The following ANKRD30A variants were observed in gnomAD, a reference collection of about 807,000 sequenced individuals.
ANKRD30A encodes the protein ankyrin repeat domain 30A, also known as ankyrin repeat domain-containing protein 30A.
Under a neutral mutation model 166.3 loss-of-function variants are expected in ANKRD30A, and 170 were observed. The observed-to-expected ratio is 1.02, with a 90% CI of 0.90 to 1.16. The LOEUF is 1.16. Ranked by LOEUF, ANKRD30A falls within the 50% of genes most tolerant of loss-of-function variation. The pLI, the probability that ANKRD30A is intolerant of heterozygous loss-of-function variation, is 0.00. For synonymous variants in ANKRD30A, 564 were observed against 508.9 expected, an observed-to-expected ratio of 1.11 and a Z score of -1.46; for missense variants, 1,630 against 1,518.0, an observed-to-expected ratio of 1.07 and a Z score of -1.23.
rs138940151 is a variant in ANKRD30A at position 37,133,795 on chromosome 10, A to G, written c.618-121A>G. The G allele has an allele frequency of 3.4e-3, 4,043 of 1,193,682 alleles. 23 individuals are homozygous for G. The highest frequency in any genetic ancestry group is 9.1e-3 in the Middle Eastern group (32 of 3,504). 73.9% of individuals were successfully genotyped at this position (1,193,682 alleles called of 1,614,324 possible). ...CCTTGGTGGTGATTTACAAGGATAAACACTTGAGCACTCAAGATACTTATG... is the reference window on the plus strand; with the variant it reads ...CCTTGGTGGTGATTTACAAGGATAAGCACTTGAGCACTCAAGATACTTATG... On this transcript the variant is annotated intron_variant, in intron 4 of 35. Coordinates refer to ENST00000361713, the MANE Select transcript of ANKRD30A (RefSeq NM_052997.3).
intron 17 of ANKRD30A, 51 bp downstream of exon 17, chr10:37,162,899 T>G (rs1209304650): frequency 6.3e-7 from 1 of 1,587,326 alleles, no homozygotes; most frequent in East Asian, 2.2e-5. Context: ...ATATTGGACA[T>G]TTTGATGGTC....
the ANKRD30A span, among the ~76,000 whole-genome samples, chr10:37,245,553 T>C: frequency 2.6e-5 from 4 of 152,086 alleles, no homozygotes; most frequent in Admixed American, 2.0e-4. Flanking sequence ...GTTTTCATAA[T>C]ATATATCTTT....
intron 5 of ANKRD30A, chr10:37,135,327 A>C: frequency 6.6e-6 from 1 of 152,198 alleles, no homozygotes; most frequent in Non-Finnish European, 1.5e-5. Flanking sequence ...CAAATCTGTG[A>C]AGTGTTGCAT....
chr10:37,179,013 AATATATATATATATATATATATATATAT>A (rs139390228), intron 24 of ANKRD30A, among the ~76,000 whole-genome samples: 6,505 of 117,162 alleles, frequency 0.056, 29 homozygotes, highest in Middle Eastern at 0.14. Flanking sequence ...TGAGGCGTCA[AATATATATATATATATATATATATATAT>A]ATATATATAT....
Position 37,219,466 on chromosome 10 carries a change from C to T in ANKRD30A, c.3754C>T (p.Pro1252Ser), listed in dbSNP as rs199752170. Reference protein sequence around the residue: ...TIYNNEVLHQPLSEAQRKSKS... With the variant: ...TIYNNEVLHQSLSEAQRKSKS... ...ATATAACAATGAGGTGCTCCATCAA[C>T]CACTTTCTGAAGCTCAAAGGAAATC... is the stretch of plus-strand genomic sequence containing the variant. Residue 1252 changes from proline (P) to serine (S), a missense_variant, in exon 34 of 36, where the codon CCA becomes TCA. By Grantham distance (74) the Pro-to-Ser change is moderately conservative (BLOSUM62 -1). Around this residue, in one of 4 missense-constraint regions of ANKRD30A, gnomAD observed 712 missense variants for 629.3 expected, o/e 1.13. Transcript: ENST00000361713. The T allele has an allele frequency of 1.1e-4, 180 of 1,610,232 alleles. No homozygotes were observed. The African/African-American group carries it at 2.1e-3, about 19-fold the overall frequency.
chr10:37,252,259 T>C, the ANKRD30A span, among the ~76,000 whole-genome samples: 11 of 152,192 alleles, frequency 7.2e-5, no homozygotes, highest in Admixed American at 7.2e-4. Flanking sequence ...GTCCACACCA[T>C]GGAAACCGAT....
chr10:37,213,149 CTT>C lies in ANKRD30A; in HGVS notation c.2870-3030_2870-3029del, dbSNP rs1842424748. On this transcript the variant is annotated intron_variant, in intron 31 of 35. Coordinates refer to ENST00000361713, the MANE Select transcript of ANKRD30A (RefSeq NM_052997.3). ...GTTCCATCTCTGATGTTTTAGTTCT[CTT>C]TGCCTATTATTTAAAAAATCTGTAG... Among the ~76,000 whole-genome samples, 3 of 151,912 alleles carry C rather than the reference CTT, an allele frequency of 2.0e-5. No homozygotes were observed. In the South Asian group the frequency reaches 6.2e-4, roughly 32 times the overall value.
intron 9 of ANKRD30A, among the ~76,000 whole-genome samples, chr10:37,147,770 C>G (rs1209856614): frequency 1.3e-5 from 2 of 151,878 alleles, no homozygotes; most frequent in African/African-American, 4.8e-5. Flanking sequence ...ACAGGGAGTT[C>G]ATGAAGGAAC....
intron 27 of ANKRD30A, among the ~76,000 whole-genome samples, chr10:37,194,539 A>C (rs1310447163): frequency 6.6e-6 from 1 of 151,902 alleles, no homozygotes; most frequent in Non-Finnish European, 1.5e-5. Context: ...ACAGGGTTTC[A>C]GTGTGTTAGC....
the ANKRD30A span, among the ~76,000 whole-genome samples, chr10:37,251,244 G>A: frequency 6.6e-5 from 10 of 152,158 alleles, no homozygotes; most frequent in African/African-American, 2.4e-4. Flanking sequence ...AGAGAACTAG[G>A]ATATGACAAC....
intron 1 of ANKRD30A, among the ~76,000 whole-genome samples, chr10:37,127,336 G>A (rs1343694880): frequency 1.3e-5 from 2 of 151,898 alleles, no homozygotes; most frequent in Non-Finnish European, 2.9e-5. Context: ...AAAAATACCG[G>A]AAGAAAATAT....
At position 37,158,265 on chromosome 10, in the gene ANKRD30A, A is replaced by G; in HGVS notation, c.1799-127A>G. 1.1e-5 allele frequency: 15 copies of G among 1,420,366 alleles called. No individual in the cohort carries two copies. The South Asian group carries it at 2.1e-4, about 20-fold the overall frequency. 88.0% of individuals were successfully genotyped at this position (1,420,366 alleles called of 1,614,324 possible). On this transcript the variant is annotated intron_variant, in intron 13 of 35. Transcript: ENST00000361713. Reference sequence around the variant, plus strand: ...CAAATACAATAACCCAAAAGACCCCAAAACATAGTGTAATCCGTTTTGCAA... The same window carrying G: ...CAAATACAATAACCCAAAAGACCCCGAAACATAGTGTAATCCGTTTTGCAA...
chr10:37,155,897 C>T (rs1251450432), intron 13 of ANKRD30A, among the ~76,000 whole-genome samples: 5 of 151,872 alleles, frequency 3.3e-5, no homozygotes, highest in African/African-American at 4.8e-5. Flanking sequence ...CTGGCCAATA[C>T]GGTGAAACCC....
At chr10:37,160,519 C>G (rs1838768673) in intron 15 of ANKRD30A, among the ~76,000 whole-genome samples, 1 of 152,098 alleles carries the variant, frequency 6.6e-6, no homozygotes, top group African/African-American at 2.4e-5. Flanking sequence ...TTCAAAAATG[C>G]ATAAGGTTCT....
intron 13 of ANKRD30A, among the ~76,000 whole-genome samples, chr10:37,156,521 G>C (rs1838398524): frequency 6.6e-6 from 1 of 152,152 alleles, no homozygotes; most frequent in Non-Finnish European, 1.5e-5. Context: ...ATGGTTCCTT[G>C]ATGATGAGCT....
chr10:37,193,365 G>C (rs1328208440), intron 27 of ANKRD30A, 107 bp downstream of exon 27: 1 of 1,316,136 alleles, frequency 7.6e-7, no homozygotes, highest in African/African-American at 1.5e-5. Flanking sequence ...TAATTTGATG[G>C]GAAATTTCGA....
intron 15 of ANKRD30A, among the ~76,000 whole-genome samples, chr10:37,161,890 A>G (rs1204304739): frequency 1.3e-5 from 2 of 152,190 alleles, no homozygotes; most frequent in Non-Finnish European, 2.9e-5. Context: ...AAAATACTGA[A>G]TTTATACTTG....
chr10:37,152,347 A>C (rs1838014125), intron 12 of ANKRD30A, among the ~76,000 whole-genome samples: 1 of 152,250 alleles, frequency 6.6e-6, no homozygotes, highest in Non-Finnish European at 1.5e-5. Context: ...AAAGTGGTAT[A>C]GTGTAAAAAC....
chr10:37,154,320 C>A (rs1564497306), intron 13 of ANKRD30A, among the ~76,000 whole-genome samples: 1 of 152,194 alleles, frequency 6.6e-6, no homozygotes, highest in Non-Finnish European at 1.5e-5. Flanking sequence ...ACCTTGTTAA[C>A]AATTCACACT....
Sources: allele counts gnomAD v4.1 joint callset (sites outside exome capture counted in the v4.1 genomes callset), GRCh38; gene constraint gnomAD v4.1.1; regional missense constraint gnomAD v4.1.1; transcripts MANE v1.5; gene names NCBI Gene and HGNC (gene_info 2026-07-23, HGNC 2026-07-21).